Variants in NTM observed in about 807,000 individuals in gnomAD.
NTM encodes the protein neurotrimin, also known as IgLON family member 2.
Under a neutral mutation model 42.1 loss-of-function variants are expected in NTM, and 13 were observed. That is an observed-to-expected ratio of 0.31 (90% CI 0.20 to 0.49). NTM has a LOEUF of 0.49. Ranked by LOEUF, NTM falls within the 20% of genes least tolerant of loss-of-function variation. The pLI, the probability that NTM is intolerant of heterozygous loss-of-function variation, is 0.99. For missense variants in NTM, 373 were observed against 452.8 expected (o/e 0.82, Z 1.60); for synonymous variants, 187 against 179.2 (o/e 1.04, Z -0.35).
chr11:131,940,686 A>G (rs891828790), intron 2 of NTM, among the ~76,000 whole-genome samples: 6 of 152,176 alleles, frequency 3.9e-5, no homozygotes, highest in African/African-American at 1.4e-4. Context: ...ACTGTCTTTT[A>G]TCTGAATCTA....
At chr11:132,328,040 T>G (rs1263494848) in intron 7 of NTM, among the ~76,000 whole-genome samples, 1 of 152,152 alleles carries the variant, frequency 6.6e-6, no homozygotes, top group East Asian at 1.9e-4. Context: ...CTGGAGTTTG[T>G]GGCCAGGACT....
chr11:131,689,874 T>G (rs1370707088), intron 1 of NTM, among the ~76,000 whole-genome samples: 3 of 152,234 alleles, frequency 2.0e-5, no homozygotes, highest in South Asian at 2.1e-4. Context: ...CAGTTATTAC[T>G]GGTCGTATAC....
At chr11:131,420,630 G>C (rs1348474633) in intron 1 of NTM, among the ~76,000 whole-genome samples, 1 of 152,058 alleles carries the variant, frequency 6.6e-6, no homozygotes, top group East Asian at 1.9e-4. Flanking sequence ...AGACCCACTG[G>C]GAGCTAGAGA....
At chr11:132,155,116 T>C (rs2072884693) in intron 3 of NTM, among the ~76,000 whole-genome samples, 1 of 152,210 alleles carries the variant, frequency 6.6e-6, no homozygotes, top group Admixed American at 6.5e-5. Context: ...AACCCGGTGT[T>C]GGCTCCGTTG....
At chr11:131,527,626 C>G (rs1046515801) in intron 1 of NTM, among the ~76,000 whole-genome samples, 2 of 152,204 alleles carry the variant, frequency 1.3e-5, no homozygotes, top group Non-Finnish European at 2.9e-5. Flanking sequence ...AAAAAGCCAT[C>G]TTATGTAATT....
intron 1 of NTM, among the ~76,000 whole-genome samples, chr11:131,409,964 T>C (rs946467541): frequency 3.3e-5 from 5 of 152,086 alleles, no homozygotes; most frequent in African/African-American, 9.7e-5. Flanking sequence ...GCAAGGAAGA[T>C]GCAGGTAGAG....
chr11:131,712,273 G>T (rs1332318769), intron 1 of NTM, among the ~76,000 whole-genome samples: 1 of 151,258 alleles, frequency 6.6e-6, no homozygotes. Context: ...AACCTTTGTT[G>T]TCTTTTCTCT....
At chr11:132,123,524 C>T (rs1380898600) in intron 2 of NTM, among the ~76,000 whole-genome samples, 2 of 152,138 alleles carry the variant, frequency 1.3e-5, no homozygotes, top group African/African-American at 2.4e-5. Context: ...CTTTGAGTAC[C>T]AGGAAGCCAA....
intron 1 of NTM, among the ~76,000 whole-genome samples, chr11:131,384,119 G>A (rs189581425): frequency 6.6e-6 from 1 of 152,296 alleles, no homozygotes; most frequent in Admixed American, 6.5e-5. Flanking sequence ...TTTAACAGTA[G>A]CTTTCCAATA....
At chr11:131,571,558 C>T (rs957316855) in intron 1 of NTM, among the ~76,000 whole-genome samples, 1 of 152,150 alleles carries the variant, frequency 6.6e-6, no homozygotes, top group African/African-American at 2.4e-5. Flanking sequence ...TGGGGGAAAC[C>T]AAAACATTTT....
At chr11:131,476,237 G>A (rs1952926421) in intron 1 of NTM, among the ~76,000 whole-genome samples, 1 of 152,148 alleles carries the variant, frequency 6.6e-6, no homozygotes, top group African/African-American at 2.4e-5. Flanking sequence ...CTAAGGTTAG[G>A]GAGCACTCTT....
chr11:131,444,935 C>T (rs191812248), intron 1 of NTM, among the ~76,000 whole-genome samples: 36 of 152,158 alleles, frequency 2.4e-4, no homozygotes, highest in Non-Finnish European at 2.8e-4. Flanking sequence ...GAAAGGGGTA[C>T]GTATCAAATC....
At chr11:132,059,276 G>A (rs895832147) in intron 2 of NTM, among the ~76,000 whole-genome samples, 6 of 152,206 alleles carry the variant, frequency 3.9e-5, no homozygotes, top group Middle Eastern at 6.8e-3. Flanking sequence ...CCAACAACCT[G>A]GATCCTCCTC....
At chr11:131,974,047 T>C (rs1040901475) in intron 2 of NTM, among the ~76,000 whole-genome samples, 7 of 147,524 alleles carry the variant, frequency 4.7e-5, no homozygotes, top group Non-Finnish European at 1.0e-4. Context: ...TTTTTCTTTC[T>C]TGTTATTTTC....
At chr11:132,328,598 C>T (rs1330833740) in intron 7 of NTM, among the ~76,000 whole-genome samples, 1 of 152,142 alleles carries the variant, frequency 6.6e-6, no homozygotes, top group Non-Finnish European at 1.5e-5. Context: ...TTCCTGTGTC[C>T]TTCCTCCAGC....
intron 1 of NTM, among the ~76,000 whole-genome samples, chr11:131,419,448 GAC>G (rs1277850625): frequency 2.0e-5 from 3 of 152,176 alleles, no homozygotes; most frequent in Non-Finnish European, 4.4e-5. Context: ...CTGGAGAGAG[GAC>G]ACCTAGGCTG....
intron 1 of NTM, among the ~76,000 whole-genome samples, chr11:131,701,880 C>T (rs1268609249): frequency 6.6e-6 from 1 of 152,118 alleles, no homozygotes; most frequent in African/African-American, 2.4e-5. Context: ...TGAAAATGTA[C>T]CACCCTGGTT....
chr11:132,126,311 C>G (rs998679730), intron 2 of NTM, among the ~76,000 whole-genome samples: 1 of 152,148 alleles, frequency 6.6e-6, no homozygotes, highest in African/African-American at 2.4e-5. Flanking sequence ...ACACACACCA[C>G]GGACAATGCT....
intron 1 of NTM, among the ~76,000 whole-genome samples, chr11:131,819,028 T>C (rs1188210446): frequency 6.6e-6 from 1 of 152,150 alleles, no homozygotes; most frequent in Non-Finnish European, 1.5e-5. Context: ...TTGAGGACAC[T>C]GAGATTTGAA....
Sources: gnomAD v4.1 joint callset for allele counts (sites outside exome capture counted in the v4.1 genomes callset) on GRCh38, gnomAD v4.1.1 for gene constraint, MANE v1.5 for transcripts, NCBI Gene and HGNC (gene_info 2026-07-23, HGNC 2026-07-21) for gene names.